The following TNFSF9 variants were observed in gnomAD, a reference collection of about 807,000 sequenced individuals.
The protein encoded by TNFSF9 is tumor necrosis factor ligand superfamily member 9.
A neutral mutation model predicts 10.3 loss-of-function variants in TNFSF9; 10 were observed. The ratio of observed to expected loss-of-function variants is 0.97; its 90% confidence interval spans 0.60 to 1.65. The LOEUF (loss-of-function observed/expected upper bound fraction) is 1.65. Among genes scored for constraint, TNFSF9 ranks in the 40% most tolerant of loss-of-function variants. The probability of loss-of-function intolerance (pLI) is 0.00; values close to 1 mark genes in which losing one functional copy is unlikely to be tolerated. For synonymous variants in TNFSF9, 195 were observed against 176.1 expected, an observed-to-expected ratio of 1.11 and a Z score of -0.85; for missense variants, 361 against 348.9, an observed-to-expected ratio of 1.03 and a Z score of -0.28.
chr19:6,533,940 T>G (rs1020033225), intron 2 of TNFSF9, among the ~76,000 whole-genome samples: 2 of 67,788 alleles, frequency 3.0e-5, no homozygotes, highest in African/African-American at 1.2e-4. Context: ...CCAGGTCCCC[T>G]GTCCACCCCT....
intron 1 of TNFSF9, 54 bp downstream of exon 1, chr19:6,531,357 CCTCTGGGA>C: frequency 7.1e-7 from 1 of 1,400,286 alleles, no homozygotes; most frequent in Non-Finnish European, 9.2e-7. Context: ...CCCTACCGCC[CCTCTGGGA>C]CTCCCTTCTC....
At chr19:6,532,054 A>G (rs1915157225) in intron 1 of TNFSF9, among the ~76,000 whole-genome samples, 1 of 151,900 alleles carries the variant, frequency 6.6e-6, no homozygotes, top group Non-Finnish European at 1.5e-5. Flanking sequence ...CCCCGATCCG[A>G]GGGGGGCACT....
chr19:6,535,172 T>G lies in TNFSF9; in HGVS notation c.*106T>G. ...TGCTGCTTTCTCTACCTCAAGGGGC[T>G]TGGCAGGGGTCCCTGCTGCTGACCT... is the stretch of plus-strand genomic sequence containing the variant. On this transcript the variant is annotated 3_prime_UTR_variant, in exon 3 of 3. Coordinates refer to ENST00000245817, the MANE Select transcript of TNFSF9 (RefSeq NM_003811.4). 1.6e-6 allele frequency: 2 copies of G among 1,260,132 alleles called. No homozygotes were observed. The highest frequency in any genetic ancestry group is 2.1e-6 in the Non-Finnish European group (2 of 949,154). The allele number at this position is 1,260,132 out of a possible 1,614,324, so 78.1% of individuals were successfully genotyped here.
chr19:6,534,237 C>T (rs3097297), intron 2 of TNFSF9, among the ~76,000 whole-genome samples: 13,464 of 151,110 alleles, frequency 0.089, 986 homozygotes, highest in African/African-American at 0.2. Flanking sequence ...TGTCTTTCCC[C>T]GCACCCGCAT....
Position 6,535,370 on chromosome 19 carries a change from G to C in TNFSF9, c.*304G>C, listed in dbSNP as rs1418723728. 7.0e-6 allele frequency: 1 copy of C among 142,582 alleles called. No individual in the cohort carries two copies. Among genetic ancestry groups the C allele is most frequent in the Admixed American group, 6.9e-5 (1 of 14,418 alleles). 8.8% of individuals were successfully genotyped at this position (142,582 alleles called of 1,614,324 possible). A position where few individuals can be genotyped will look rare whatever the true frequency, so the allele number is the denominator to read the frequency against. Reference sequence around the variant, plus strand: ...TTAGAGGAGTTGTTTTGGGGGGGGGGGGGTCTTCGACATTGCCGAGGCTGG... The same window carrying C: ...TTAGAGGAGTTGTTTTGGGGGGGGGCGGGTCTTCGACATTGCCGAGGCTGG... On this transcript the variant is annotated 3_prime_UTR_variant, in exon 3 of 3. Transcript: ENST00000245817.
In TNFSF9 at chr19:6,531,030, T is replaced by A; in HGVS notation, c.-7T>A. On this transcript the variant is annotated 5_prime_UTR_variant, in exon 1 of 3. Transcript: ENST00000245817. Reference sequence around the variant, plus strand: ...CGGCGCGCTGTGTCTTCCCGCAGTCTCTCGTCATGGAATACGCCTCTGACG... The same window carrying A: ...CGGCGCGCTGTGTCTTCCCGCAGTCACTCGTCATGGAATACGCCTCTGACG... 1 of 1,607,736 alleles carries A rather than the reference T, an allele frequency of 6.2e-7. No homozygotes were observed. Among genetic ancestry groups the A allele is most frequent in the Non-Finnish European group, 8.5e-7 (1 of 1,177,504 alleles).
At chr19:6,532,345 G>A (rs1445353875) in intron 1 of TNFSF9, among the ~76,000 whole-genome samples, 3 of 150,792 alleles carry the variant, frequency 2.0e-5, no homozygotes, top group African/African-American at 7.3e-5. Context: ...GTTCGTGTGG[G>A]GGTGCGTATG....
At chr19:6,531,655 G>A (rs1000799869) in intron 1 of TNFSF9, among the ~76,000 whole-genome samples, 5 of 151,812 alleles carry the variant, frequency 3.3e-5, no homozygotes, top group Non-Finnish European at 4.4e-5. Flanking sequence ...GGGGAGAGGA[G>A]ACCCCCACAA....
chr19:6,533,365 A>G (rs150237039), intron 2 of TNFSF9, among the ~76,000 whole-genome samples: 3,081 of 105,916 alleles, frequency 0.029, 83 homozygotes, highest in South Asian at 0.088. Flanking sequence ...TCCTCCCAGC[A>G]CCTTCCCTCC....
intron 2 of TNFSF9, 63 bp from the exon 3 acceptor site, chr19:6,534,537 C>T (rs1915223296): frequency 1.4e-6 from 2 of 1,461,284 alleles, no homozygotes; most frequent in Admixed American, 2.2e-5. Context: ...GTTCGGTGCT[C>T]AGCCACGCTC....
chr19:6,533,389 T>TC (rs1915190028), intron 2 of TNFSF9, among the ~76,000 whole-genome samples: 1 of 125,748 alleles, frequency 8.0e-6, no homozygotes, highest in African/African-American at 3.1e-5. Context: ...TCCAGAGACT[T>TC]CTTCCCCGCT....
At chr19:6,532,755 C>T in intron 1 of TNFSF9, 31 bp from the exon 2 acceptor site, 1 of 1,613,728 alleles carries the variant, frequency 6.2e-7, no homozygotes, top group South Asian at 1.1e-5. Context: ...GGGGAACCCC[C>T]ATCCACTTTC....
At position 6,535,379 on chromosome 19, in the gene TNFSF9, G is replaced by A. The variant is rs1172330445; in HGVS notation, c.*313G>A. The A allele has an allele frequency of 1.4e-5, 2 of 142,000 alleles. No individual in the cohort carries two copies. The highest frequency in any genetic ancestry group is 5.2e-5 in the African/African-American group (2 of 38,136). 8.8% of individuals were successfully genotyped at this position (142,000 alleles called of 1,614,324 possible). On this transcript the variant is annotated 3_prime_UTR_variant, in exon 3 of 3. Transcript: ENST00000245817. The stretch of plus-strand genomic sequence containing the variant: ...TTGTTTTGGGGGGGGGGGGGTCTTC[G>A]ACATTGCCGAGGCTGGTCTTGAACT...
Position 6,532,138 on chromosome 19 carries a change from C to G in TNFSF9, c.268-648C>G, listed in dbSNP as rs187407841. Among the ~76,000 whole-genome samples the G allele has an allele frequency of 1.2e-3, 176 of 152,356 alleles. 2 individuals carry two copies. The South Asian group carries it at 0.023, about 20-fold the overall frequency. ...TCCCAAAGAGCCTTATCCCCAACAT[C>G]TGAGGTACCCCTCTCCCTTTCAAGA... On this transcript the variant is annotated intron_variant, in intron 1 of 2. Coordinates refer to ENST00000245817, the MANE Select transcript of TNFSF9 (RefSeq NM_003811.4).
At chr19:6,533,012 T>A (rs1915182141) in intron 2 of TNFSF9, among the ~76,000 whole-genome samples, 196 bp downstream of exon 2, 1 of 151,988 alleles carries the variant, frequency 6.6e-6, no homozygotes, top group Non-Finnish European at 1.5e-5. Flanking sequence ...ACTCTCTGGA[T>A]GCCATGGCCT....
At chr19:6,532,942 T>G (rs76771492) in intron 2 of TNFSF9, 126 bp downstream of exon 2, 51,797 of 1,349,080 alleles carry the variant, frequency 0.038, 1,269 homozygotes, top group Non-Finnish European at 0.047. Context: ...CGCTGCTGTC[T>G]CTGAAAGCTG....
At position 6,531,091 on chromosome 19, in the gene TNFSF9, C is replaced by G. The variant is rs1278764187; in HGVS notation, c.55C>G (p.Pro19Ala). The G allele has an allele frequency of 6.2e-7, 1 of 1,610,886 alleles. No individual in the cohort carries two copies. Among genetic ancestry groups the G allele is most frequent in the East Asian group, 2.2e-5 (1 of 44,692 alleles). The change falls in exon 1 of 3, where the codon CCC becomes GCC. Residue 19 changes from proline to alanine, a missense_variant. Physicochemically the swap from Pro to Ala is conservative, Grantham distance 27. Transcript: ENST00000245817. Reference sequence around the variant, plus strand: ...CCCCGAAGCCCCGTGGCCTCCCGCGCCCCGCGCTCGCGCCTGCCGCGTACT... The same window carrying G: ...CCCCGAAGCCCCGTGGCCTCCCGCGGCCCGCGCTCGCGCCTGCCGCGTACT... ...LDPEAPWPPA[P>A]RARACRVLPW...
In TNFSF9 at chr19:6,535,028, G is replaced by A. The variant is rs778848855; in HGVS notation, c.727G>A (p.Glu243Lys). Residue 243 changes from glutamate to lysine, a missense_variant, in exon 3 of 3, where the codon GAA (glutamate) becomes AAA (lysine). Transcript: ENST00000245817. ...CTTGGGACTCTTCCGGGTGACCCCCGAAATCCCAGCCGGACTCCCTTCACC... is the reference window on the plus strand; with the variant it reads ...CTTGGGACTCTTCCGGGTGACCCCCAAAATCCCAGCCGGACTCCCTTCACC... ...TVLGLFRVTPEIPAGLPSPRS... is the reference protein window; with the variant it reads ...TVLGLFRVTPKIPAGLPSPRS... The A allele has an allele frequency of 1.8e-5, 28 of 1,585,276 alleles. No individual in the cohort carries two copies. In the Admixed American group the frequency reaches 2.5e-4, roughly 14 times the overall value.
At position 6,532,853 on chromosome 19, in the gene TNFSF9, C is replaced by G. The variant is rs367870700; in HGVS notation, c.298+37C>G. ...CCGCCACTTCCGGTCCCTGGCCCCCCACCATCCCCACCCCGGGATACGAAG... is the reference window on the plus strand; with the variant it reads ...CCGCCACTTCCGGTCCCTGGCCCCCGACCATCCCCACCCCGGGATACGAAG... On this transcript the variant is annotated intron_variant, in intron 2 of 2. Coordinates refer to ENST00000245817, the MANE Select transcript of TNFSF9 (RefSeq NM_003811.4). 52 of 1,613,296 alleles carry G rather than the reference C, an allele frequency of 3.2e-5. No individual in the cohort carries two copies. In the African/African-American group the frequency reaches 6.3e-4, roughly 19 times the overall value.
Sources: gnomAD v4.1 joint callset for allele counts (sites outside exome capture counted in the v4.1 genomes callset) on GRCh38, gnomAD v4.1.1 for gene constraint, MANE v1.5 for transcripts, NCBI Gene and HGNC (gene_info 2026-07-23, HGNC 2026-07-21) for gene names.